Variants in IGF2R observed in about 807,000 individuals in gnomAD.
IGF2R encodes insulin like growth factor 2 receptor, also known as cation-independent mannose-6-phosphate receptor.
Under a neutral mutation model 270.6 loss-of-function variants are expected in IGF2R, and 91 were observed. That is an observed-to-expected ratio of 0.34 (90% CI 0.28 to 0.40). The LOEUF (loss-of-function observed/expected upper bound fraction) is 0.40. IGF2R is among the 10% of genes least tolerant of loss of function. The probability of loss-of-function intolerance (pLI) is 1.00; values close to 1 mark genes in which losing one functional copy is unlikely to be tolerated. For missense variants in IGF2R, 2,805 were observed against 3,188.3 expected, an observed-to-expected ratio of 0.88 and a Z score of 2.90; for synonymous variants, 1,316 against 1,258.9, an observed-to-expected ratio of 1.05 and a Z score of -0.96.
At position 160,073,377 on chromosome 6, in the gene IGF2R, A is replaced by G. The variant is rs629849; in HGVS notation, c.4855A>G (p.Arg1619Gly). Reference protein sequence around the residue: ...VISFVCRPEARPTNRPMLISL... With the variant: ...VISFVCRPEAGPTNRPMLISL... ...CAGTTTCGTGTGCAGGCCTGAGGCCAGGCCAACCAATAGGCCCATGCTCAT... is the reference window on the plus strand; with the variant it reads ...CAGTTTCGTGTGCAGGCCTGAGGCCGGGCCAACCAATAGGCCCATGCTCAT... The change falls in exon 34 of 48, where the codon AGG becomes GGG. Residue 1619 changes from arginine (R) to glycine (G), a missense_variant. Arg to Gly is a moderately radical substitution (Grantham distance 125, BLOSUM62 -2). This residue lies in a region of IGF2R where 1,851 missense variants were observed against 2,207.2 expected (regional missense o/e 0.84). Coordinates refer to ENST00000356956, the MANE Select transcript of IGF2R (RefSeq NM_000876.4). 1,423,960 of 1,614,202 alleles carry G rather than the reference A, an allele frequency of 0.88. 629,117 individuals carry two copies. Among genetic ancestry groups the G allele is most frequent in the African/African-American group, 0.98 (73,395 of 75,074 alleles).
At position 160,063,548 on chromosome 6, in the gene IGF2R, C is replaced by T. The variant is rs143709688; in HGVS notation, c.3804C>T (p.Asp1268=). ...GGGTCTGTGGGAAGCTTTCCTCAGA[C>T]GTCTGCCCCACAAGTGACAAGTCCA... is the stretch of plus-strand genomic sequence containing the variant. ...YFRVCGKLSS[D]VCPTSDKSKV... is the part of the protein sequence containing the mutation. The change falls in exon 27 of 48, where the codon GAC becomes GAT. Residue 1268 remains aspartate (D), a synonymous_variant. Transcript: ENST00000356956. The T allele has an allele frequency of 3.2e-4, 512 of 1,614,216 alleles. No individual in the cohort carries two copies. The African/African-American group carries it at 4.2e-3, about 13-fold the overall frequency.
intron 4 of IGF2R, among the ~76,000 whole-genome samples, chr6:160,015,320 A>G (rs1180509780): frequency 6.6e-6 from 1 of 152,262 alleles, no homozygotes; most frequent in Non-Finnish European, 1.5e-5. Context: ...AGAGGTAATT[A>G]AAATGATGCC....
rs771007026 is a variant in IGF2R, at chr6:160,063,428, G to A, written c.3684G>A (p.Glu1228=). Residue 1228 remains glutamate, a synonymous_variant, in exon 27 of 48, where the codon GAG becomes GAA. Coordinates refer to ENST00000356956, the MANE Select transcript of IGF2R (RefSeq NM_000876.4). ...PVVRVEGDNC[E]VKDPRHGNLY... ...ATGTTCTTGAAGGGGACAACTGTGAGGTGAAAGACCCAAGGCATGGCAACT... is the reference window on the plus strand; with the variant it reads ...ATGTTCTTGAAGGGGACAACTGTGAAGTGAAAGACCCAAGGCATGGCAACT... 23 of 1,612,130 alleles carry A rather than the reference G, an allele frequency of 1.4e-5. No individual in the cohort carries two copies. The highest frequency in any genetic ancestry group is 3.3e-5 in the Admixed American group (2 of 60,002).
intron 34 of IGF2R, 101 bp from the exon 35 acceptor site, chr6:160,073,656 T>C: frequency 8.5e-7 from 1 of 1,178,870 alleles, no homozygotes; most frequent in South Asian, 1.5e-5. Flanking sequence ...CCTTTCTACT[T>C]TTTTTGTTGT....
chr6:160,048,729 G>A (rs751841526), intron 18 of IGF2R, among the ~76,000 whole-genome samples, 186 bp downstream of exon 18: 1 of 152,216 alleles, frequency 6.6e-6, no homozygotes, highest in Non-Finnish European at 1.5e-5. Context: ...TGTCACACAG[G>A]AATCATTGTT....
chr6:160,027,231 C>T lies in IGF2R; in HGVS notation c.693C>T (p.Gly231=), dbSNP rs1777581063. Residue 231 remains glycine, a synonymous_variant, in exon 6 of 48, where the codon GGC becomes GGT. Transcript: ENST00000356956. ...PGSQLRACPP[G]TAACLVRGHQ... The stretch of plus-strand genomic sequence containing the variant: ...CACAGCTGCGGGCCTGTCCCCCCGG[C>T]ACTGCCGCCTGCCTGGTAAGAGGAC... 1 of 1,614,136 alleles carries T rather than the reference C, an allele frequency of 6.2e-7. No homozygotes were observed. Among genetic ancestry groups the T allele is most frequent in the African/African-American group, 1.3e-5 (1 of 74,956 alleles).
At chr6:159,979,897 T>C (rs897010250) in intron 1 of IGF2R, among the ~76,000 whole-genome samples, 1 of 152,062 alleles carries the variant, frequency 6.6e-6, no homozygotes, top group African/African-American at 2.4e-5. Context: ...GATTGGTGGA[T>C]TGAAAGGCAC....
In IGF2R at chr6:160,072,065, AGC is replaced by A. The variant is rs753798960; in HGVS notation, c.4570+32_4570+33del. 3.7e-6 allele frequency: 6 copies of A among 1,613,418 alleles called. No individual in the cohort carries two copies. The South Asian group carries it at 6.6e-5, about 18-fold the overall frequency. On this transcript the variant is annotated intron_variant, in intron 32 of 47. Transcript: ENST00000356956. ...AGAGGTGGTGCCAGTCGTTAACCCC[AGC>A]GCAGGTGAGAGACGGTGCCCCCACC...
At position 160,032,788 on chromosome 6, in the gene IGF2R, C is replaced by A. The variant is rs542278266; in HGVS notation, c.1045+75C>A. ...GAGAGAGGGAACGGGACAGTAGGGGCCAAGTCAGTCCATGCATGCTTCTGG... is the reference window on the plus strand; with the variant it reads ...GAGAGAGGGAACGGGACAGTAGGGGACAAGTCAGTCCATGCATGCTTCTGG... On this transcript the variant is annotated intron_variant, in intron 8 of 47. Coordinates refer to ENST00000356956, the MANE Select transcript of IGF2R (RefSeq NM_000876.4). 3 of 1,494,560 alleles carry A rather than the reference C, an allele frequency of 2.0e-6. No homozygotes were observed. In the Admixed American group the frequency reaches 5.4e-5, roughly 27 times the overall value. 92.6% of individuals were successfully genotyped at this position (1,494,560 alleles called of 1,614,324 possible).
In IGF2R at chr6:159,994,428, T is replaced by TG. The variant is rs566445558; in HGVS notation, c.289+3113dup. 6.2e-3 allele frequency among the ~76,000 whole-genome samples: 947 copies of TG among 151,774 alleles called. 6 individuals are homozygous for TG. The highest frequency in any genetic ancestry group is 8.8e-3 in the Non-Finnish European group (600 of 67,874). ...TGTTTTGTTGATCCTTTGCATTTTTTGGGGGGGGTCTCAATTTCGTTTAGT... is the reference window on the plus strand; with the variant it reads ...TGTTTTGTTGATCCTTTGCATTTTTTGGGGGGGGGTCTCAATTTCGTTTAGT... On this transcript the variant is annotated intron_variant, in intron 2 of 47. Transcript: ENST00000356956.
At position 160,044,554 on chromosome 6, in the gene IGF2R, TC is replaced by T; in HGVS notation, c.1665del (p.Met556Ter). 2 of 1,608,350 alleles carry T rather than the reference TC, an allele frequency of 1.2e-6. No individual in the cohort carries two copies. The highest frequency in any genetic ancestry group is 1.7e-6 in the Non-Finnish European group (2 of 1,176,332). On this transcript the variant is annotated frameshift_variant, in exon 13 of 48. Transcript: ENST00000356956. LOFTEE classifies it high-confidence loss of function. Reference sequence around the variant, plus strand: ...AAAATCTGGGAAAATTTATTTCCTCTCCCATGAAAGAGAAAGGAAACATTCA... The same window carrying T: ...AAAATCTGGGAAAATTTATTTCCTCTCCATGAAAGAGAAAGGAAACATTCA... ...SKNLGKFISSPMKEKGNIQLS... is the reference protein window; with the variant it reads ...SKNLGKFISSXMKEKGNIQLS...
intron 1 of IGF2R, among the ~76,000 whole-genome samples, chr6:159,979,831 C>T (rs1783751864): frequency 6.6e-6 from 1 of 152,146 alleles, no homozygotes; most frequent in South Asian, 2.1e-4. Flanking sequence ...ATCACAGAGG[C>T]TGTGGGACTT....
At chr6:160,083,052 C>T (rs1779020383) in intron 39 of IGF2R, among the ~76,000 whole-genome samples, 1 of 152,180 alleles carries the variant, frequency 6.6e-6, no homozygotes, top group African/African-American at 2.4e-5. Flanking sequence ...ACACCAAGGA[C>T]CTGCACCGGC....
chr6:160,030,664 C>T (rs573957449), intron 7 of IGF2R, among the ~76,000 whole-genome samples: 1 of 152,216 alleles, frequency 6.6e-6, no homozygotes, highest in South Asian at 2.1e-4. Flanking sequence ...TTAGTGTTTT[C>T]CCTTTTTATT....
intron 41 of IGF2R, among the ~76,000 whole-genome samples, chr6:160,085,795 C>T (rs528611162): frequency 5.3e-5 from 8 of 152,144 alleles, no homozygotes; most frequent in East Asian, 1.9e-4. Context: ...AAGAGAATTC[C>T]GAGAAAACTA....
chr6:159,969,472 C>A, intron 1 of IGF2R, 77 bp downstream of exon 1: 2 of 1,050,000 alleles, frequency 1.9e-6, no homozygotes, highest in South Asian at 9.2e-5. Context: ...GGGGAGCGCT[C>A]GAGGAGCTCC....
rs897061916 is a variant in IGF2R at position 160,096,361 on chromosome 6, T to C, written c.6656-78T>C. The C allele has an allele frequency of 1.5e-5, 20 of 1,346,122 alleles. No homozygotes were observed. The African/African-American group carries it at 2.3e-4, about 16-fold the overall frequency. The allele number at this position is 1,346,122 out of a possible 1,614,324, so 83.4% of individuals were successfully genotyped here. A position where few individuals can be genotyped will look rare whatever the true frequency, so the allele number is the denominator to read the frequency against. On this transcript the variant is annotated intron_variant, in intron 44 of 47. Transcript: ENST00000356956. ...TGATTTTAAGTCTTTGCAAACTTTTTAGACCGTAAGGAGCTAAGCTCAGTC... is the reference window on the plus strand; with the variant it reads ...TGATTTTAAGTCTTTGCAAACTTTTCAGACCGTAAGGAGCTAAGCTCAGTC...
chr6:160,034,047 CAGTATAGTCCA>C (rs1777758004), intron 9 of IGF2R, among the ~76,000 whole-genome samples: 1 of 152,204 alleles, frequency 6.6e-6, no homozygotes, highest in Non-Finnish European at 1.5e-5. Context: ...TGTTCAGGAT[CAGTATAGTCCA>C]AGGCCCCTCA....
At chr6:159,989,788 C>T (rs1383936883) in intron 1 of IGF2R, among the ~76,000 whole-genome samples, 1 of 152,216 alleles carries the variant, frequency 6.6e-6, no homozygotes, top group Non-Finnish European at 1.5e-5. Flanking sequence ...TCTGTTTTTA[C>T]TCCTGCTGAG....
Sources: allele counts gnomAD v4.1 joint callset (sites outside exome capture counted in the v4.1 genomes callset), GRCh38; gene constraint gnomAD v4.1.1; regional missense constraint gnomAD v4.1.1; transcripts MANE v1.5; gene names NCBI Gene and HGNC (gene_info 2026-07-23, HGNC 2026-07-21).